Variants in NRG3 observed in about 807,000 individuals in gnomAD.
NRG3 encodes the protein neuregulin 3.
Under a neutral mutation model 66.9 loss-of-function variants are expected in NRG3, and 31 were observed. That is an observed-to-expected ratio of 0.46 (90% confidence interval 0.35 to 0.63). NRG3 has a LOEUF of 0.63. NRG3 is among the 20% of genes least tolerant of loss of function. The pLI, the probability that NRG3 is intolerant of heterozygous loss-of-function variation, is 0.00. For missense variants in NRG3, 910 were observed against 878.9 expected, an observed-to-expected ratio of 1.04 and a Z score of -0.45; for synonymous variants, 393 against 359.4, an observed-to-expected ratio of 1.09 and a Z score of -1.06.
At chr10:82,799,726 A>G (rs940327167) in intron 3 of NRG3, 36 of 152,190 alleles carry the variant, frequency 2.4e-4, no homozygotes, top group Non-Finnish European at 5.0e-4. Context: ...TTCTAATTCA[A>G]GAAGCCAAGT....
chr10:82,971,251 G>A (rs1489889702), intron 6 of NRG3, among the ~76,000 whole-genome samples: 4 of 151,906 alleles, frequency 2.6e-5, no homozygotes, highest in African/African-American at 7.3e-5. Flanking sequence ...ATTTCAACAC[G>A]AGATTCAAAG....
At chr10:81,931,773 G>A (rs1847372670) in intron 1 of NRG3, among the ~76,000 whole-genome samples, 2 of 152,094 alleles carry the variant, frequency 1.3e-5, no homozygotes, top group African/African-American at 4.8e-5. Flanking sequence ...TGAAGTTTCG[G>A]AAGATACTCA....
At chr10:82,837,813 A>C (rs1312085260) in intron 3 of NRG3, among the ~76,000 whole-genome samples, 1 of 152,272 alleles carries the variant, frequency 6.6e-6, no homozygotes, top group East Asian at 1.9e-4. Context: ...GCTTGTCATG[A>C]GGTGCAGGAG....
intron 3 of NRG3, among the ~76,000 whole-genome samples, chr10:82,769,939 C>T (rs2059654427): frequency 6.6e-6 from 1 of 152,062 alleles, no homozygotes; most frequent in African/African-American, 2.4e-5. Context: ...GTGATGCAGA[C>T]CCAGCCCTCA....
At chr10:82,346,742 A>C (rs2083051676) in intron 1 of NRG3, among the ~76,000 whole-genome samples, 1 of 151,536 alleles carries the variant, frequency 6.6e-6, no homozygotes, top group Non-Finnish European at 1.5e-5. Flanking sequence ...ACAATTTCAG[A>C]TCCTGTTATT....
chr10:82,821,366 G>A (rs1039479285), intron 3 of NRG3, among the ~76,000 whole-genome samples: 2 of 151,980 alleles, frequency 1.3e-5, no homozygotes, highest in Non-Finnish European at 2.9e-5. Context: ...CCAATTCATC[G>A]TCCATACTGC....
chr10:82,051,537 G>C lies in NRG3; in HGVS notation c.823+175374G>C, dbSNP rs181504657. 1.9e-4 allele frequency among the ~76,000 whole-genome samples: 29 copies of C among 152,268 alleles called. No individual in the cohort carries two copies. The East Asian group carries it at 5.6e-3, about 29-fold the overall frequency. ...TCAGCTCATAGTCCTAGAACTGGCT[G>C]TGGAGACTTTTCTGAATATGAACAT... On this transcript the variant is annotated intron_variant, in intron 1 of 8. Transcript: ENST00000372141.
intron 4 of NRG3, among the ~76,000 whole-genome samples, chr10:82,914,620 T>C (rs1845655656): frequency 6.6e-6 from 1 of 152,188 alleles, no homozygotes; most frequent in Non-Finnish European, 1.5e-5. Context: ...TCTCCTGTTA[T>C]TGTGTAGGAT....
At chr10:82,429,875 G>C (rs976838313) in intron 2 of NRG3, among the ~76,000 whole-genome samples, 1 of 151,858 alleles carries the variant, frequency 6.6e-6, no homozygotes, top group Non-Finnish European at 1.5e-5. Context: ...TAAGTTCACC[G>C]GTTCATTATT....
At chr10:82,271,751 A>G (rs536773260) in intron 1 of NRG3, among the ~76,000 whole-genome samples, 11 of 152,198 alleles carry the variant, frequency 7.2e-5, no homozygotes, top group African/African-American at 2.4e-4. Flanking sequence ...TAAAAGAGAA[A>G]CAGCATGAAT....
At chr10:82,732,536 T>C (rs758901805) in intron 2 of NRG3, among the ~76,000 whole-genome samples, 1 of 152,220 alleles carries the variant, frequency 6.6e-6, no homozygotes, top group Non-Finnish European at 1.5e-5. Flanking sequence ...ACTTACTGGC[T>C]GTGTGGTTTT....
chr10:82,307,392 G>A (rs1471393995), intron 1 of NRG3, among the ~76,000 whole-genome samples: 1 of 152,102 alleles, frequency 6.6e-6, no homozygotes. Flanking sequence ...TTATGATTAA[G>A]AGACAGAATT....
intron 1 of NRG3, among the ~76,000 whole-genome samples, chr10:82,083,880 G>A (rs1489273267): frequency 6.6e-6 from 1 of 151,650 alleles, no homozygotes; most frequent in Non-Finnish European, 1.5e-5. Context: ...GCCTCCCAAA[G>A]TGCTGGGATT....
chr10:82,120,869 C>G (rs985510962), intron 1 of NRG3, among the ~76,000 whole-genome samples: 2 of 152,132 alleles, frequency 1.3e-5, no homozygotes, highest in Non-Finnish European at 2.9e-5. Flanking sequence ...AGTCTCATTA[C>G]TGCCTGTCTG....
At chr10:82,132,500 T>TGATATATATATGATATATATATG (rs1564593582) in intron 1 of NRG3, among the ~76,000 whole-genome samples, 3 of 46,916 alleles carry the variant, frequency 6.4e-5, no homozygotes, top group Non-Finnish European at 1.1e-4. Flanking sequence ...ATGATATATA[T>TGATATATATATGATATATATATG]ATATCATATA....
At chr10:82,127,141 T>A (rs532972139) in intron 1 of NRG3, among the ~76,000 whole-genome samples, 2 of 152,088 alleles carry the variant, frequency 1.3e-5, no homozygotes, top group East Asian at 3.9e-4. Flanking sequence ...ATGCAGAGGG[T>A]GGCTGCAGGT....
intron 2 of NRG3, among the ~76,000 whole-genome samples, chr10:82,652,367 AG>A (rs1225120675): frequency 1.3e-5 from 2 of 152,058 alleles, no homozygotes; most frequent in Non-Finnish European, 2.9e-5. Context: ...ATGGTAAATG[AG>A]GGGGATTTTA....
intron 2 of NRG3, among the ~76,000 whole-genome samples, chr10:82,407,589 G>A (rs1023228474): frequency 1.3e-5 from 2 of 152,182 alleles, no homozygotes; most frequent in Non-Finnish European, 2.9e-5. Flanking sequence ...ACTGTGCTTA[G>A]TTTAGCTTAC....
At chr10:82,442,259 A>G (rs932944003) in intron 2 of NRG3, among the ~76,000 whole-genome samples, 3 of 152,214 alleles carry the variant, frequency 2.0e-5, no homozygotes, top group Non-Finnish European at 2.9e-5. Flanking sequence ...ACGTGAAACA[A>G]GATTCCTAGT....
Sources: allele counts gnomAD v4.1 joint callset (sites outside exome capture counted in the v4.1 genomes callset), GRCh38; gene constraint gnomAD v4.1.1; transcripts MANE v1.5; gene names NCBI Gene and HGNC (gene_info 2026-07-23, HGNC 2026-07-21).